The following IFT46 variants were observed in gnomAD, a reference collection of about 807,000 sequenced individuals.
IFT46 encodes the protein intraflagellar transport 46, also known as intraflagellar transport protein 46 homolog.
IFT46 carries 19 observed loss-of-function variants against 39.6 expected under a neutral mutation model. The ratio of observed to expected loss-of-function variants is 0.48; its 90% CI spans 0.33 to 0.70. IFT46 has a LOEUF of 0.70. Among genes scored for constraint, IFT46 ranks in the 30% least tolerant of loss-of-function variants. The pLI is 0.01. For synonymous variants in IFT46, 117 were observed against 134.8 expected (o/e 0.87, Z 0.91); for missense variants, 334 against 364.8 (o/e 0.92, Z 0.69).
At chr11:118,566,961 G>A (rs894525812), upstream of IFT46, among the ~76,000 whole-genome samples, 3 of 152,124 alleles carry the variant, frequency 2.0e-5, no homozygotes, top group African/African-American at 7.2e-5. Flanking sequence ...GGCCAGGTGC[G>A]GTGGCTCACA....
chr11:118,552,001 A>T lies in IFT46; in HGVS notation c.606-149T>A, dbSNP rs1555068576. 7.0e-6 allele frequency: 7 copies of T among 995,596 alleles called. 1 individual carries two copies. In the South Asian group the frequency reaches 1.0e-4, roughly 15 times the overall value. 61.7% of individuals were successfully genotyped at this position (995,596 alleles called of 1,614,324 possible). A position where few individuals can be genotyped will look rare whatever the true frequency, so the allele number is the denominator to read the frequency against. ...AACCTAGACTGGGCATACCAAAGTT[A>T]CCCAGGGCCTGGGGTTTGGAGGAGG... On this transcript the variant is annotated intron_variant, in intron 8 of 11. Transcript: ENST00000264021.
At chr11:118,545,152 G>A (rs1288520803) in intron 11 of IFT46, 141 bp from the exon 12 acceptor site, 10 of 723,286 alleles carry the variant, frequency 1.4e-5, no homozygotes, top group Middle Eastern at 3.6e-4. Flanking sequence ...CTGAAAGAAC[G>A]AGTGTCCTCT....
At chr11:118,562,881 T>C (rs980925794) in intron 2 of IFT46, among the ~76,000 whole-genome samples, 4 of 152,160 alleles carry the variant, frequency 2.6e-5, no homozygotes, top group South Asian at 2.1e-4. Context: ...CGGGCCAACA[T>C]GGTGAAACCC....
Position 118,556,967 on chromosome 11 carries a change from AATCATC to A in IFT46, c.118_123del (p.Asp40_Asp41del). 6.2e-7 allele frequency: 1 copy of A among 1,611,408 alleles called. No individual in the cohort carries two copies. The highest frequency in any genetic ancestry group is 8.5e-7 in the Non-Finnish European group (1 of 1,178,300). Reference sequence around the variant, plus strand: ...TCAGAATCAGAATCAGTTTCAGATGAATCATCATCATCATCATCGTCATCCTCATTT... The same window carrying A: ...TCAGAATCAGAATCAGTTTCAGATGAATCATCATCATCGTCATCCTCATTT... On this transcript the variant is annotated inframe_deletion, in exon 4 of 12. Transcript: ENST00000264021.
intron 1 of IFT46, chr11:118,572,479 C>A (rs541171787): frequency 1.9e-6 from 3 of 1,566,156 alleles, no homozygotes; most frequent in South Asian, 2.3e-5. Context: ...CTGGTGCTCC[C>A]GTTCCCCAGA....
intron 3 of IFT46, among the ~76,000 whole-genome samples, 167 bp downstream of exon 3, chr11:118,559,618 G>A (rs1378498352): frequency 6.6e-6 from 1 of 152,146 alleles, no homozygotes; most frequent in Non-Finnish European, 1.5e-5. Flanking sequence ...CCTGAAGAAG[G>A]GTCAAAATCT....
chr11:118,574,114 T>G (rs975382951), upstream of IFT46, among the ~76,000 whole-genome samples: 1 of 152,172 alleles, frequency 6.6e-6, no homozygotes, highest in Non-Finnish European at 1.5e-5. Flanking sequence ...AAAATATAAC[T>G]TTTGCATGCT....
chr11:118,567,733 A>T (rs60837962), upstream of IFT46, among the ~76,000 whole-genome samples: 17,620 of 152,222 alleles, frequency 0.12, 1,810 homozygotes, highest in East Asian at 0.52. Flanking sequence ...TTTAAAAAAA[A>T]ATTTGTGATC....
chr11:118,575,138 C>T (rs1938460527), upstream of IFT46, among the ~76,000 whole-genome samples: 1 of 152,084 alleles, frequency 6.6e-6, no homozygotes, highest in African/African-American at 2.4e-5. Flanking sequence ...GCCACCACGC[C>T]CAACTACTTT....
chr11:118,549,289 C>T (rs1466819794), intron 9 of IFT46, among the ~76,000 whole-genome samples: 7 of 151,906 alleles, frequency 4.6e-5, no homozygotes, highest in East Asian at 1.9e-4. Context: ...GATCGTCCCA[C>T]CTCAGCCTCC....
At chr11:118,568,030 C>T (rs1034766206), upstream of IFT46, among the ~76,000 whole-genome samples, 7 of 152,188 alleles carry the variant, frequency 4.6e-5, no homozygotes, top group African/African-American at 1.4e-4. Flanking sequence ...TGGGACTCCT[C>T]AAGAAGCATG....
chr11:118,560,040 A>G (rs2135503132), intron 2 of IFT46, 176 bp from the exon 3 acceptor site: 4 of 596,724 alleles, frequency 6.7e-6, no homozygotes, highest in South Asian at 6.3e-5. Context: ...TCAATTCAAG[A>G]TATATTTACT....
rs368173666 is a variant in IFT46, at chr11:118,555,036, A to C, written c.308T>G (p.Ile103Ser). ...CCCGACAGCTGGGATAAAATCAGGA[A>C]TGAAAGGCTTCAGTTTGTGGTCCAG... ...IDLDHKLKPF[I>S]PDFIPAVGDI... The change falls in exon 6 of 12, where the codon ATT (isoleucine) becomes AGT (serine). Residue 103 changes from isoleucine to serine, a missense_variant. Transcript: ENST00000264021. The C allele has an allele frequency of 1.5e-5, 24 of 1,613,970 alleles. No homozygotes were observed. Among genetic ancestry groups the C allele is most frequent in the Non-Finnish European group, 1.8e-5 (21 of 1,179,948 alleles).
intron 10 of IFT46, 31 bp from the exon 11 acceptor site, chr11:118,545,525 A>C: frequency 6.4e-7 from 1 of 1,569,034 alleles, no homozygotes; most frequent in Non-Finnish European, 8.8e-7. Context: ...CAGGAACAGA[A>C]GCAAACAAAC....
chr11:118,561,964 C>G (rs1369104623), intron 2 of IFT46, among the ~76,000 whole-genome samples: 1 of 152,034 alleles, frequency 6.6e-6, no homozygotes, highest in African/African-American at 2.4e-5. Flanking sequence ...CACGGTGAAA[C>G]CCTGTCTCTA....
At chr11:118,560,472 GA>G (rs1938013461) in intron 2 of IFT46, 2 of 140,036 alleles carry the variant, frequency 1.4e-5, no homozygotes, top group African/African-American at 6.0e-5. Context: ...GAGGGGAGGG[GA>G]GGGGGAAAAG....
chr11:118,554,541 A>G lies in IFT46; in HGVS notation c.401T>C (p.Leu134Ser). 6.2e-7 allele frequency: 1 copy of G among 1,613,464 alleles called. No homozygotes were observed. The highest frequency in any genetic ancestry group is 1.3e-5 in the African/African-American group (1 of 75,032). Residue 134 changes from leucine (L) to serine (S), a missense_variant, in exon 7 of 12, where the codon TTG becomes TCG. By Grantham distance (145) the Leu-to-Ser change is moderately radical (BLOSUM62 -2). Transcript: ENST00000264021. ...TGACTGCTTTGTAGAAGGTTCATCC[A>G]ATACCAATAGGCCAAGGTTGTCAGG... is the stretch of plus-strand genomic sequence containing the variant. ...GKPDNLGLLV[L>S]DEPSTKQSDP... is the part of the protein sequence containing the mutation.
chr11:118,546,615 G>A (rs1419643403), intron 9 of IFT46: 1 of 159,712 alleles, frequency 6.3e-6, no homozygotes, highest in South Asian at 1.8e-4. Flanking sequence ...CTCAGTCTAT[G>A]GTACTTTGTT....
At chr11:118,573,151 C>T (rs528815247), upstream of IFT46, among the ~76,000 whole-genome samples, 8 of 152,258 alleles carry the variant, frequency 5.3e-5, no homozygotes, top group African/African-American at 1.4e-4. Context: ...CCACTACTTC[C>T]GCAGAACTCA....
Sources: gnomAD v4.1 joint callset for allele counts (sites outside exome capture counted in the v4.1 genomes callset) on GRCh38, gnomAD v4.1.1 for gene constraint, MANE v1.5 for transcripts, NCBI Gene and HGNC (gene_info 2026-07-23, HGNC 2026-07-21) for gene names.